The following C12orf54 variants were observed in gnomAD, a reference collection of about 807,000 sequenced individuals.
C12orf54 encodes chromosome 12 open reading frame 54.
Under a neutral mutation model 26.4 loss-of-function variants are expected in C12orf54, and 24 were observed. That is an observed-to-expected ratio of 0.91 (90% CI 0.66 to 1.28). The LOEUF (loss-of-function observed/expected upper bound fraction) is 1.28, where lower values mean the gene tolerates loss of function less well. Among genes scored for constraint, C12orf54 ranks in the 50% most tolerant of loss-of-function variants. The pLI is 0.00. For missense variants in C12orf54, 154 were observed against 150.9 expected (o/e 1.02, Z -0.11); for synonymous variants, 54 against 47.0 (o/e 1.15, Z -0.61).
intron 5 of C12orf54, 59 bp from the exon 6 acceptor site, chr12:48,490,749 ACAGT>A: frequency 6.3e-7 from 1 of 1,579,372 alleles, no homozygotes; most frequent in Non-Finnish European, 8.7e-7. Context: ...TATAGCTAAT[ACAGT>A]GCAGGTCTGC....
At chr12:48,417,961 C>A in the C12orf54 span, among the ~76,000 whole-genome samples, 1 of 152,184 alleles carries the variant, frequency 6.6e-6, no homozygotes, top group African/African-American at 2.4e-5. Context: ...ATATGTGCCA[C>A]GTTTTCTGTA....
At chr12:48,429,237 A>G in the C12orf54 span, among the ~76,000 whole-genome samples, 5 of 152,176 alleles carry the variant, frequency 3.3e-5, no homozygotes, top group Non-Finnish European at 5.9e-5. Flanking sequence ...AGTTGAAAGC[A>G]TTCCCTCTGA....
the C12orf54 span, among the ~76,000 whole-genome samples, chr12:48,436,228 A>G: frequency 6.6e-6 from 1 of 152,334 alleles, no homozygotes; most frequent in East Asian, 1.9e-4. Flanking sequence ...ATATATATGC[A>G]CCCAATACAG....
At chr12:48,420,136 T>C in the C12orf54 span, among the ~76,000 whole-genome samples, 1 of 152,116 alleles carries the variant, frequency 6.6e-6, no homozygotes, top group African/African-American at 2.4e-5. Flanking sequence ...AAGAATGTGA[T>C]GCAAATAAAG....
chr12:48,453,598 T>TATACACATATATATGTGTATATA, the C12orf54 span, among the ~76,000 whole-genome samples: 3 of 131,958 alleles, frequency 2.3e-5, no homozygotes, highest in African/African-American at 7.8e-5. Flanking sequence ...TATGTGTATA[T>TATACACATATATATGTGTATATA]TCATGTTCTG....
chr12:48,464,268 A>T, the C12orf54 span, among the ~76,000 whole-genome samples: 1 of 152,142 alleles, frequency 6.6e-6, no homozygotes, highest in Non-Finnish European at 1.5e-5. Context: ...TAGCATTTCT[A>T]TACACCAATA....
In C12orf54 at chr12:48,494,901, C is replaced by CA. The variant is rs1436915103; in HGVS notation, c.347dup (p.Leu117AlafsTer40). 1 of 1,612,956 alleles carries CA rather than the reference C, an allele frequency of 6.2e-7. No individual in the cohort carries two copies. Among genetic ancestry groups the CA allele is most frequent in the East Asian group, 2.2e-5 (1 of 44,890 alleles). ...AGGCCGTATCCACAACCTGAAGACA[C>CA]AGCTCTTCAGTCAATCAGCTTACTA... On this transcript the variant is annotated frameshift_variant, in exon 8 of 9. Transcript: ENST00000548364. LOFTEE classifies it high-confidence loss of function.
At chr12:48,459,652 A>G in the C12orf54 span, among the ~76,000 whole-genome samples, 11 of 152,260 alleles carry the variant, frequency 7.2e-5, no homozygotes, top group African/African-American at 2.4e-4. Context: ...CTCTAGAAAG[A>G]CTCACATGAC....
intron 8 of C12orf54, among the ~76,000 whole-genome samples, chr12:48,495,201 C>G (rs1937886202): frequency 6.6e-6 from 1 of 151,970 alleles, no homozygotes; most frequent in Non-Finnish European, 1.5e-5. Flanking sequence ...CAGAGTGCAT[C>G]AAGTATGGAC....
the C12orf54 span, among the ~76,000 whole-genome samples, chr12:48,421,512 C>CTTTT: frequency 8.1e-4 from 35 of 43,476 alleles, 7 homozygotes; most frequent in Non-Finnish European, 7.9e-4. Flanking sequence ...ATATCATGTG[C>CTTTT]TTTTTTTTTT....
intron 2 of C12orf54, chr12:48,483,601 C>A: frequency 4.5e-6 from 2 of 449,266 alleles, no homozygotes; most frequent in Non-Finnish European, 4.0e-6. Flanking sequence ...TAGGGGTTGG[C>A]GGGGTATACA....
the C12orf54 span, among the ~76,000 whole-genome samples, chr12:48,470,517 G>A: frequency 2.0e-5 from 3 of 152,034 alleles, no homozygotes; most frequent in Non-Finnish European, 2.9e-5. Context: ...TTTTTCATGG[G>A]GTAGCTTTTT....
At chr12:48,486,548 CT>C in intron 3 of C12orf54, 139 bp from the exon 4 acceptor site, 1 of 847,426 alleles carries the variant, frequency 1.2e-6, no homozygotes, top group South Asian at 1.7e-5. Flanking sequence ...AGACTTTTGG[CT>C]GCCTGAGAAA....
At chr12:48,480,911 T>C (rs1954191897), upstream of C12orf54, among the ~76,000 whole-genome samples, 1 of 151,840 alleles carries the variant, frequency 6.6e-6, no homozygotes, top group African/African-American at 2.4e-5. Flanking sequence ...TTATATTCTT[T>C]CCAACAACAT....
chr12:48,486,655 A>G (rs1297739822), intron 3 of C12orf54, 33 bp from the exon 4 acceptor site: 1 of 1,595,706 alleles, frequency 6.3e-7, no homozygotes, highest in Non-Finnish European at 8.6e-7. Context: ...GAGTTGGGAT[A>G]TTGTTTCCAA....
intron 7 of C12orf54, among the ~76,000 whole-genome samples, chr12:48,493,567 G>A (rs894849887): frequency 2.0e-5 from 3 of 146,366 alleles, no homozygotes; most frequent in Non-Finnish European, 1.5e-5. Flanking sequence ...ACTGCAGTGA[G>A]CCATGATCAT....
At chr12:48,478,377 A>G (rs2137080060), upstream of C12orf54, among the ~76,000 whole-genome samples, 1 of 152,300 alleles carries the variant, frequency 6.6e-6, no homozygotes, top group African/African-American at 2.4e-5. Context: ...TATTCAACAT[A>G]GTGTTGGAAG....
At chr12:48,490,254 A>G (rs1385269169) in intron 5 of C12orf54, among the ~76,000 whole-genome samples, 1 of 152,242 alleles carries the variant, frequency 6.6e-6, no homozygotes, top group East Asian at 1.9e-4. Context: ...TTCATTCACT[A>G]TTCAAAAGAC....
At chr12:48,474,554 T>C in the C12orf54 span, among the ~76,000 whole-genome samples, 1 of 152,130 alleles carries the variant, frequency 6.6e-6, no homozygotes. Flanking sequence ...AGTACTGCGC[T>C]TTTCCAATGG....
Sources: allele counts gnomAD v4.1 joint callset (sites outside exome capture counted in the v4.1 genomes callset), GRCh38; gene constraint gnomAD v4.1.1; transcripts MANE v1.5; gene names NCBI Gene and HGNC (gene_info 2026-07-23, HGNC 2026-07-21).